IMPG1: variants seen among roughly 807,000 people sequenced by gnomAD.
IMPG1 encodes the protein interphotoreceptor matrix proteoglycan of 150 kDa.
A neutral mutation model predicts 92.0 loss-of-function variants in IMPG1; 85 were observed. That is an observed-to-expected ratio of 0.92 (90% CI 0.78 to 1.11). The LOEUF (loss-of-function observed/expected upper bound fraction) is 1.11, where lower values mean the gene tolerates loss of function less well. Among genes scored for constraint, IMPG1 ranks in the 50% least tolerant of loss-of-function variants. The pLI is 0.00. For synonymous variants in IMPG1, 367 were observed against 334.1 expected (o/e 1.10, Z -1.08); for missense variants, 1,022 against 956.0 (o/e 1.07, Z -0.91).
At chr6:76,012,930 A>AC (rs1562369514) in intron 7 of IMPG1, among the ~76,000 whole-genome samples, 3 of 151,982 alleles carry the variant, frequency 2.0e-5, no homozygotes, top group African/African-American at 7.3e-5. Context: ...ATCCCTAGAT[A>AC]CCTTCCCTCC....
intron 12 of IMPG1, among the ~76,000 whole-genome samples, chr6:75,988,898 G>C (rs1782768349): frequency 1.3e-5 from 2 of 152,062 alleles, no homozygotes; most frequent in African/African-American, 4.8e-5. Context: ...CTCACTACTG[G>C]TCTACCTCCA....
At chr6:75,938,985 G>A (rs971082495) in intron 14 of IMPG1, among the ~76,000 whole-genome samples, 3 of 152,116 alleles carry the variant, frequency 2.0e-5, no homozygotes, top group South Asian at 2.1e-4. Flanking sequence ...ACAGGCGTGT[G>A]CCATCACACC....
intron 1 of IMPG1, among the ~76,000 whole-genome samples, chr6:76,048,768 T>C (rs77164695): frequency 0.011 from 1,656 of 152,332 alleles, 36 homozygotes; most frequent in African/African-American, 0.038. Flanking sequence ...TAAAAAGATC[T>C]GGCTTTTTGG....
chr6:75,963,431 T>C (rs575346833), intron 12 of IMPG1, among the ~76,000 whole-genome samples: 118 of 149,650 alleles, frequency 7.9e-4, no homozygotes, highest in African/African-American at 2.7e-3. Flanking sequence ...ATTTTGTTAA[T>C]ATGATTTGAC....
chr6:75,989,782 G>A (rs1782784331), intron 12 of IMPG1, among the ~76,000 whole-genome samples: 1 of 152,194 alleles, frequency 6.6e-6, no homozygotes, highest in African/African-American at 2.4e-5. Flanking sequence ...GGTGGAGGCT[G>A]CAGTGAGCTG....
chr6:76,013,150 A>G (rs1309187951), intron 7 of IMPG1, among the ~76,000 whole-genome samples: 1 of 152,070 alleles, frequency 6.6e-6, no homozygotes, highest in Non-Finnish European at 1.5e-5. Context: ...CCTTGACTAC[A>G]TTTATTCTGA....
intron 9 of IMPG1, among the ~76,000 whole-genome samples, chr6:76,006,392 T>C (rs943632436): frequency 1.6e-4 from 23 of 148,128 alleles, no homozygotes; most frequent in African/African-American, 5.6e-4. Flanking sequence ...AAAATATATA[T>C]ATATAGTATA....
chr6:76,055,012 A>G (rs1223048964), intron 1 of IMPG1, among the ~76,000 whole-genome samples: 2 of 152,138 alleles, frequency 1.3e-5, no homozygotes, highest in African/African-American at 4.8e-5. Context: ...TAATTGATGG[A>G]ATGAACAAAT....
chr6:76,017,314 T>TATAACAAAGGTCAGAGATGGAAGAGAC (rs1783308161), intron 7 of IMPG1, among the ~76,000 whole-genome samples: 1 of 152,024 alleles, frequency 6.6e-6, no homozygotes, highest in Non-Finnish European at 1.5e-5. Context: ...GACAGACAGA[T>TATAACAAAGGTCAGAGATGGAAGAGAC]ATAACAAAGG....
At chr6:76,045,288 T>G (rs976762829) in intron 1 of IMPG1, among the ~76,000 whole-genome samples, 5 of 152,166 alleles carry the variant, frequency 3.3e-5, no homozygotes, top group African/African-American at 1.2e-4. Context: ...AACAAATTCC[T>G]TCCTTTGGGT....
intron 12 of IMPG1, among the ~76,000 whole-genome samples, chr6:75,987,988 A>G (rs1782749191): frequency 1.3e-5 from 2 of 152,174 alleles, no homozygotes; most frequent in Non-Finnish European, 2.9e-5. Context: ...TCCATGGTGT[A>G]TACGTGCCAC....
intron 12 of IMPG1, among the ~76,000 whole-genome samples, chr6:75,959,954 G>A (rs150249785): frequency 5.9e-5 from 9 of 152,258 alleles, no homozygotes; most frequent in African/African-American, 1.9e-4. Context: ...CTGCTCAAAC[G>A]GCTGCCCAGT....
chr6:75,924,476 T>C (rs1781488329), intron 15 of IMPG1, among the ~76,000 whole-genome samples: 1 of 101,778 alleles, frequency 9.8e-6, no homozygotes, highest in Non-Finnish European at 1.8e-5. Context: ...TAAATATAAT[T>C]ATATATTATA....
chr6:75,999,845 C>G (rs1460877951), intron 12 of IMPG1, among the ~76,000 whole-genome samples: 5 of 152,206 alleles, frequency 3.3e-5, no homozygotes, highest in South Asian at 2.1e-4. Context: ...GACAGCACAG[C>G]TATTCCTCTA....
chr6:76,036,377 G>A (rs1375559340), intron 2 of IMPG1, among the ~76,000 whole-genome samples: 1 of 152,058 alleles, frequency 6.6e-6, no homozygotes, highest in Non-Finnish European at 1.5e-5. Flanking sequence ...TTAGAATATT[G>A]CATTTGCAAT....
At chr6:75,964,778 A>G (rs982131515) in intron 12 of IMPG1, among the ~76,000 whole-genome samples, 2 of 152,150 alleles carry the variant, frequency 1.3e-5, no homozygotes, top group African/African-American at 4.8e-5. Flanking sequence ...CTATAGCATA[A>G]TATCAAACAA....
intron 12 of IMPG1, among the ~76,000 whole-genome samples, chr6:75,990,540 G>A (rs891301938): frequency 6.6e-6 from 1 of 151,576 alleles, no homozygotes; most frequent in African/African-American, 2.4e-5. Flanking sequence ...GATTGCTTGA[G>A]CCCAGGAGTT....
chr6:75,958,656 C>T (rs543852614), intron 12 of IMPG1, among the ~76,000 whole-genome samples: 4 of 151,924 alleles, frequency 2.6e-5, no homozygotes, highest in East Asian at 1.9e-4. Flanking sequence ...TCCTTTCTTC[C>T]GCTTGACCGA....
intron 8 of IMPG1, among the ~76,000 whole-genome samples, chr6:76,010,274 C>A (rs1404506959): frequency 6.6e-6 from 1 of 152,222 alleles, no homozygotes; most frequent in Non-Finnish European, 1.5e-5. Flanking sequence ...GGAGCCCACG[C>A]TCCCTGGTTT....
Sources: gnomAD v4.1 joint callset for allele counts (sites outside exome capture counted in the v4.1 genomes callset) on GRCh38, gnomAD v4.1.1 for gene constraint, MANE v1.5 for transcripts, NCBI Gene and HGNC (gene_info 2026-07-23, HGNC 2026-07-21) for gene names.